Variants in HSD11B1 observed in about 807,000 individuals in gnomAD.
HSD11B1 encodes the protein 11-beta-hydroxysteroid dehydrogenase 1.
A neutral mutation model predicts 22.1 loss-of-function variants in HSD11B1; 15 were observed. That is an observed-to-expected ratio of 0.68 (90% CI 0.45 to 1.04). The LOEUF is 1.04. Ranked by LOEUF, HSD11B1 falls within the 50% of genes least tolerant of loss-of-function variation. The pLI is 0.00. For missense variants in HSD11B1, 281 were observed against 357.6 expected (o/e 0.79, Z 1.73); for synonymous variants, 122 against 125.2 (o/e 0.97, Z 0.17).
intron 4 of HSD11B1, among the ~76,000 whole-genome samples, chr1:209,708,705 G>T (rs890740371): frequency 2.2e-4 from 33 of 152,340 alleles, no homozygotes; most frequent in African/African-American, 7.7e-4. Context: ...GGCAAAGGAT[G>T]TATTTCACCT....
rs761600033 is a variant in HSD11B1 at position 209,706,900 on chromosome 1, G to GT, written c.332-42dup. On this transcript the variant is annotated intron_variant, in intron 3 of 5. Transcript: ENST00000367027. This position sits in a 1 kb window ranked among gnomAD's most constrained non-coding sequence, Gnocchi z 4.0. ...AGCTTTTGGGAGGAGAATGGGAAAG[G>GT]TATCAACCCCAGATGATTTCTTAAT... 1.2e-6 allele frequency: 2 copies of GT among 1,609,386 alleles called. No individual in the cohort carries two copies.
chr1:209,700,976 C>G (rs1244344651), upstream of HSD11B1, among the ~76,000 whole-genome samples: 1 of 152,230 alleles, frequency 6.6e-6, no homozygotes, highest in Admixed American at 6.5e-5. Context: ...ATATCACTAT[C>G]AGCATTTTTG....
At chr1:209,708,704 T>A (rs772649614) in intron 4 of HSD11B1, among the ~76,000 whole-genome samples, 1 of 152,242 alleles carries the variant, frequency 6.6e-6, no homozygotes, top group Admixed American at 6.5e-5. Context: ...AGGCAAAGGA[T>A]GTATTTCACC....
intron 4 of HSD11B1, among the ~76,000 whole-genome samples, chr1:209,719,029 A>AAAAAAAAAAAAAAC (rs2076948519): frequency 6.7e-6 from 1 of 148,976 alleles, no homozygotes; most frequent in Non-Finnish European, 1.5e-5. Flanking sequence ...CAAAAAAAAA[A>AAAAAAAAAAAAAAC]AAAAAAAGGA....
chr1:209,712,777 G>A (rs776300805), intron 4 of HSD11B1, among the ~76,000 whole-genome samples: 6 of 152,154 alleles, frequency 3.9e-5, no homozygotes, highest in East Asian at 1.9e-4. Context: ...TTGGCCAGGC[G>A]CAGTGGTTTA....
rs1333611532 is a variant in HSD11B1 at position 209,717,434 on chromosome 1, CTT to C, written c.517+10307_517+10308del. On this transcript the variant is annotated intron_variant, in intron 4 of 5. Transcript: ENST00000367027. ...TTGTGGATGCAGAGAAAAGGGAACT[CTT>C]ATATACTGTTAGTGGGAATGTAAAT... 3.3e-5 allele frequency among the ~76,000 whole-genome samples: 5 copies of C among 152,036 alleles called. No individual in the cohort carries two copies. In the South Asian group the frequency reaches 8.3e-4, roughly 25 times the overall value.
chr1:209,701,050 G>C (rs2076823628), upstream of HSD11B1, among the ~76,000 whole-genome samples: 1 of 152,104 alleles, frequency 6.6e-6, no homozygotes, highest in African/African-American at 2.4e-5. Flanking sequence ...GTCTTCTTCT[G>C]AGCCCTCCAA....
chr1:209,706,023 T>G lies in HSD11B1; in HGVS notation c.219+82T>G. On this transcript the variant is annotated intron_variant, in intron 2 of 5. Transcript: ENST00000367027. The surrounding 1 kb of genome is among the most constrained non-coding windows in gnomAD (Gnocchi z 4.0). ...TATATGCTCACATATACACAGAAGC[T>G]AGCATATCGCAGATCTATATACAGA... is the stretch of plus-strand genomic sequence containing the variant. 5 of 1,569,836 alleles carry G rather than the reference T, an allele frequency of 3.2e-6. No individual in the cohort carries two copies. Among genetic ancestry groups the G allele is most frequent in the African/African-American group, 1.3e-5 (1 of 74,102 alleles).
At chr1:209,705,690 C>T (rs2076853783) in intron 1 of HSD11B1, 121 bp from the exon 2 acceptor site, 2 of 1,231,724 alleles carry the variant, frequency 1.6e-6, no homozygotes, top group African/African-American at 1.5e-5. Flanking sequence ...TTGTGACAAA[C>T]TGATCTGGGC....
intron 4 of HSD11B1, among the ~76,000 whole-genome samples, chr1:209,715,762 T>C (rs900592063): frequency 1.3e-5 from 2 of 152,170 alleles, no homozygotes; most frequent in Non-Finnish European, 2.9e-5. Context: ...TGATATGAAA[T>C]GATGAACTTA....
At position 209,732,500 on chromosome 1, in the gene HSD11B1, C is replaced by G; in HGVS notation, c.582C>G (p.Phe194Leu). 1 of 1,613,914 alleles carries G rather than the reference C, an allele frequency of 6.2e-7. No individual in the cohort carries two copies. Among genetic ancestry groups the G allele is most frequent in the Non-Finnish European group, 8.5e-7 (1 of 1,179,816 alleles). Residue 194 changes from phenylalanine to leucine, a missense_variant, in exon 5 of 6, where the codon TTC becomes TTG. Transcript: ENST00000367027. ...GCAAGTTTGCTTTGGATGGGTTCTT[C>G]TCCTCCATCAGAAAGGAATATTCAG... Reference protein sequence around the residue: ...SASKFALDGFFSSIRKEYSVS... With the variant: ...SASKFALDGFLSSIRKEYSVS...
Position 209,706,831 on chromosome 1 carries a change from T to C in HSD11B1, c.331+11T>C. 1 of 1,611,842 alleles carries C rather than the reference T, an allele frequency of 6.2e-7. No individual in the cohort carries two copies. The highest frequency in any genetic ancestry group is 8.5e-7 in the Non-Finnish European group (1 of 1,178,002). On this transcript the variant is annotated intron_variant, in intron 3 of 5. Coordinates refer to ENST00000367027, the MANE Select transcript of HSD11B1 (RefSeq NM_005525.4). The surrounding 1 kb of genome is among the most constrained non-coding windows in gnomAD (Gnocchi z 4.0). ...CAGGAAAGCTCATGGGTGAGGCTGT[T>C]TCTCTTACCTCCTCCTCTGAACTTT...
At chr1:209,727,958 G>C (rs927676782) in intron 4 of HSD11B1, among the ~76,000 whole-genome samples, 11 of 152,184 alleles carry the variant, frequency 7.2e-5, no homozygotes, top group Admixed American at 2.0e-4. Flanking sequence ...TATTGAAAGA[G>C]AGACCACGAT....
chr1:209,725,523 C>A (rs2076995346), intron 4 of HSD11B1, among the ~76,000 whole-genome samples: 1 of 152,180 alleles, frequency 6.6e-6, no homozygotes. Context: ...CTTAGTCATG[C>A]CAGTTTGGGT....
At chr1:209,695,956 G>A (rs2076788762) in intron 1 of HSD11B1, among the ~76,000 whole-genome samples, 1 of 152,174 alleles carries the variant, frequency 6.6e-6, no homozygotes, top group Non-Finnish European at 1.5e-5. Context: ...GCAAAAAACA[G>A]GGGAAAATTC....
rs1395936760 is a variant in HSD11B1, at chr1:209,732,514, A to C, written c.596A>C (p.Lys199Thr). 1 of 1,614,008 alleles carries C rather than the reference A, an allele frequency of 6.2e-7. No homozygotes were observed. Among genetic ancestry groups the C allele is most frequent in the South Asian group, 1.1e-5 (1 of 91,072 alleles). The change falls in exon 5 of 6, where the codon AAG (lysine) becomes ACG (threonine). Residue 199 changes from lysine (K) to threonine (T), a missense_variant. Physicochemically the swap from Lys to Thr is moderately conservative, Grantham distance 78 (BLOSUM62 -1). Transcript: ENST00000367027. Reference protein sequence around the residue: ...ALDGFFSSIRKEYSVSRVNVS... With the variant: ...ALDGFFSSIRTEYSVSRVNVS... ...GATGGGTTCTTCTCCTCCATCAGAA[A>C]GGAATATTCAGTGTCCAGGGTCAAT...
intron 1 of HSD11B1, among the ~76,000 whole-genome samples, chr1:209,688,135 G>A (rs2076738990): frequency 1.3e-5 from 2 of 152,080 alleles, no homozygotes; most frequent in South Asian, 4.1e-4. Context: ...CCTTACTCAG[G>A]CCCCTCCCCA....
intron 1 of HSD11B1, among the ~76,000 whole-genome samples, chr1:209,696,943 C>G (rs975299213): frequency 6.6e-6 from 1 of 152,178 alleles, no homozygotes; most frequent in Admixed American, 6.5e-5. Context: ...GATTGAAGAG[C>G]TGAAAGAGTG....
intron 4 of HSD11B1, among the ~76,000 whole-genome samples, chr1:209,710,179 C>T (rs907197056): frequency 2.5e-4 from 38 of 152,116 alleles, no homozygotes; most frequent in African/African-American, 8.9e-4. Flanking sequence ...CATTTGAAAA[C>T]ATCTGGAAAA....
Sources: allele counts gnomAD v4.1 joint callset (sites outside exome capture counted in the v4.1 genomes callset), GRCh38; gene constraint gnomAD v4.1.1; non-coding constraint Gnocchi (gnomAD v3.1); transcripts MANE v1.5; gene names NCBI Gene and HGNC (gene_info 2026-07-23, HGNC 2026-07-21).